Variants in ROBO1 observed in about 807,000 individuals in gnomAD.
ROBO1 encodes the protein roundabout homolog 1.
Under a neutral mutation model 195.9 loss-of-function variants are expected in ROBO1, and 149 were observed. The observed-to-expected ratio is 0.76, with a 90% CI of 0.67 to 0.87. ROBO1 has a LOEUF of 0.87. Ranked by LOEUF, ROBO1 falls within the 40% of genes least tolerant of loss-of-function variation. The pLI is 0.00. For missense variants in ROBO1, 1,933 were observed against 2,068.3 expected (o/e 0.93, Z 1.27); for synonymous variants, 816 against 733.2 (o/e 1.11, Z -1.82).
intron 1 of ROBO1, among the ~76,000 whole-genome samples, chr3:79,658,623 T>C (rs1362077478): frequency 6.6e-6 from 1 of 152,128 alleles, no homozygotes; most frequent in Non-Finnish European, 1.5e-5. Context: ...AGTAGGCATG[T>C]ATTTAATGGG....
At chr3:79,220,162 T>C (rs893635254) in intron 2 of ROBO1, among the ~76,000 whole-genome samples, 1 of 152,094 alleles carries the variant, frequency 6.6e-6, no homozygotes, top group Non-Finnish European at 1.5e-5. Context: ...TATTCTGATA[T>C]GTAAGTTGCC....
chr3:79,215,919 G>A (rs755889255), intron 2 of ROBO1, among the ~76,000 whole-genome samples: 7 of 151,986 alleles, frequency 4.6e-5, no homozygotes, highest in Non-Finnish European at 1.0e-4. Context: ...ATCCTTGTTA[G>A]GGAGAAAGTG....
chr3:78,668,535 C>G lies in ROBO1; in HGVS notation c.1579G>C (p.Ala527Pro). 2 of 1,613,800 alleles carry G rather than the reference C, an allele frequency of 1.2e-6. No homozygotes were observed. Among genetic ancestry groups the G allele is most frequent in the Non-Finnish European group, 1.7e-6 (2 of 1,179,822 alleles). The change falls in exon 12 of 31, where the codon GCA becomes CCA. Residue 527 changes from alanine (A) to proline (P), a missense_variant. Physicochemically the swap from Ala to Pro is conservative, Grantham distance 27 (BLOSUM62 -1). Transcript: ENST00000464233. ...GTTGCTTCACCACTGGGGGTTGATG[C>G]AATGCAGGTGTACCGACCAGTATCA... is the stretch of plus-strand genomic sequence containing the variant. ...LGDTGRYTCIASTPSGEATWS... is the reference protein window; with the variant it reads ...LGDTGRYTCIPSTPSGEATWS...
At chr3:79,434,160 G>A (rs901204922) in intron 2 of ROBO1, among the ~76,000 whole-genome samples, 8 of 152,122 alleles carry the variant, frequency 5.3e-5, no homozygotes, top group East Asian at 1.9e-4. Context: ...GCATGGGCAA[G>A]GACTTCATGT....
intron 2 of ROBO1, among the ~76,000 whole-genome samples, chr3:79,415,994 A>G (rs932177239): frequency 6.6e-6 from 1 of 152,130 alleles, no homozygotes; most frequent in African/African-American, 2.4e-5. Context: ...TCATTGGTAA[A>G]TAACTAAAAA....
intron 4 of ROBO1, among the ~76,000 whole-genome samples, chr3:78,812,162 G>A (rs9817612): frequency 1.3e-5 from 2 of 152,012 alleles, no homozygotes; most frequent in South Asian, 2.1e-4. Flanking sequence ...CCTAAACTAC[G>A]TCTCTGGCCT....
At chr3:79,730,652 A>C (rs1343273857) in intron 1 of ROBO1, among the ~76,000 whole-genome samples, 1 of 152,144 alleles carries the variant, frequency 6.6e-6, no homozygotes, top group East Asian at 1.9e-4. Context: ...TTAATATAAA[A>C]ACATCAGATC....
chr3:78,748,033 T>A (rs1175072020), intron 4 of ROBO1, among the ~76,000 whole-genome samples: 1 of 152,232 alleles, frequency 6.6e-6, no homozygotes, highest in Non-Finnish European at 1.5e-5. Flanking sequence ...CTTTCCTTGA[T>A]CTGATGTGTA....
intron 3 of ROBO1, among the ~76,000 whole-genome samples, chr3:79,014,025 T>G (rs148128086): frequency 3.9e-5 from 6 of 152,214 alleles, no homozygotes; most frequent in African/African-American, 1.4e-4. Flanking sequence ...TCTTATCATA[T>G]GTAGCTTAAA....
In ROBO1 at chr3:79,299,763, T is replaced by C. The variant is rs1039518393; in HGVS notation, c.89-174224A>G. Reference sequence around the variant, plus strand: ...GAAAAGTTGAAGGGAGAGTTTAGAATTGAAAATAAAAATAGTGAAGTGTAG... The same window carrying C: ...GAAAAGTTGAAGGGAGAGTTTAGAACTGAAAATAAAAATAGTGAAGTGTAG... On this transcript the variant is annotated intron_variant, in intron 2 of 30. Coordinates refer to ENST00000464233, the MANE Select transcript of ROBO1 (RefSeq NM_002941.4). Among the ~76,000 whole-genome samples the C allele has an allele frequency of 2.6e-5, 4 of 151,484 alleles. No homozygotes were observed. In the East Asian group the frequency reaches 5.8e-4, roughly 22 times the overall value.
chr3:79,232,097 C>A (rs761590147), intron 2 of ROBO1, among the ~76,000 whole-genome samples: 1 of 151,762 alleles, frequency 6.6e-6, no homozygotes, highest in South Asian at 2.1e-4. Context: ...AAATAACTAA[C>A]GGATACTAGG....
At chr3:79,081,351 T>C (rs2079271682) in intron 3 of ROBO1, among the ~76,000 whole-genome samples, 1 of 152,170 alleles carries the variant, frequency 6.6e-6, no homozygotes, top group African/African-American at 2.4e-5. Flanking sequence ...CTCAGATGGC[T>C]GTCAGTGGTG....
At chr3:79,041,372 C>T (rs1357743798) in intron 3 of ROBO1, among the ~76,000 whole-genome samples, 1 of 152,098 alleles carries the variant, frequency 6.6e-6, no homozygotes, top group African/African-American at 2.4e-5. Context: ...CTTCCACTTC[C>T]TCAACCGAAT....
chr3:78,720,948 G>T (rs1559785843), intron 5 of ROBO1, among the ~76,000 whole-genome samples: 1 of 145,442 alleles, frequency 6.9e-6, no homozygotes, highest in East Asian at 2.0e-4. Context: ...CTGTTGTGGG[G>T]TTGGGGGGGG....
chr3:78,899,172 T>A (rs567084577), intron 4 of ROBO1, among the ~76,000 whole-genome samples: 2 of 152,320 alleles, frequency 1.3e-5, no homozygotes, highest in African/African-American at 4.8e-5. Context: ...ACATACCACT[T>A]TTTTTGAAAG....
chr3:78,669,523 T>A (rs1157855823), intron 11 of ROBO1, among the ~76,000 whole-genome samples: 2 of 152,208 alleles, frequency 1.3e-5, no homozygotes, highest in East Asian at 3.8e-4. Context: ...AATAAAGTCC[T>A]GAAAGAGCAG....
Position 79,740,507 on chromosome 3 carries a change from G to C in ROBO1, c.-51+27245C>G, listed in dbSNP as rs570616802. 3.3e-5 allele frequency among the ~76,000 whole-genome samples: 5 copies of C among 152,098 alleles called. No homozygotes were observed. The South Asian group carries it at 1.0e-3, about 32-fold the overall frequency. On this transcript the variant is annotated intron_variant, in intron 1 of 30. Coordinates refer to ENST00000464233, the MANE Select transcript of ROBO1 (RefSeq NM_002941.4). ...CTCACAGTTCCGCATGGCTGGGGAG[G>C]CCTCAGGAAACTTACAATCATGACA...
intron 2 of ROBO1, among the ~76,000 whole-genome samples, chr3:79,577,451 A>G (rs374513170): frequency 9.2e-5 from 14 of 152,186 alleles, no homozygotes; most frequent in African/African-American, 3.1e-4. Flanking sequence ...AAATTGATAT[A>G]TTGGACTTCA....
intron 5 of ROBO1, among the ~76,000 whole-genome samples, chr3:78,727,489 G>T (rs1422713522): frequency 6.6e-6 from 1 of 152,044 alleles, no homozygotes; most frequent in East Asian, 1.9e-4. Context: ...ATCCGGGCGT[G>T]GTGGCGGCAC....
Sources: allele counts gnomAD v4.1 joint callset (sites outside exome capture counted in the v4.1 genomes callset), GRCh38; gene constraint gnomAD v4.1.1; transcripts MANE v1.5; gene names NCBI Gene and HGNC (gene_info 2026-07-23, HGNC 2026-07-21).